The following ARHGAP35 variants were observed in gnomAD, a reference collection of about 807,000 sequenced individuals.
The protein encoded by ARHGAP35 is rho GTPase-activating protein 35.
Under a neutral mutation model 111.1 loss-of-function variants are expected in ARHGAP35, and 15 were observed. The ratio of observed to expected loss-of-function variants is 0.13; its 90% CI spans 0.09 to 0.21. The LOEUF (loss-of-function observed/expected upper bound fraction) is 0.21. ARHGAP35 is among the 10% of genes least tolerant of loss of function. The probability of loss-of-function intolerance (pLI) is 1.00; values close to 1 mark genes in which losing one functional copy is unlikely to be tolerated. For missense variants in ARHGAP35, 1,262 were observed against 1,873.0 expected (o/e 0.67, Z 6.02); for synonymous variants, 643 against 710.3 (o/e 0.91, Z 1.51).
intron 1 of ARHGAP35, among the ~76,000 whole-genome samples, chr19:46,886,506 A>G (rs1014412891): frequency 6.6e-6 from 1 of 152,060 alleles, no homozygotes; most frequent in African/African-American, 2.4e-5. Context: ...AGTATTCCTT[A>G]AAGTCTTCCT....
At position 46,989,437 on chromosome 19, in the gene ARHGAP35, G is replaced by A. The variant is rs2287840; in HGVS notation, c.3905-107G>A. 1.7e-5 allele frequency: 25 copies of A among 1,446,104 alleles called. No individual in the cohort carries two copies. The East Asian group carries it at 2.9e-4, about 17-fold the overall frequency. The allele number at this position is 1,446,104 out of a possible 1,614,324, so 89.6% of individuals were successfully genotyped here. ...TCCAATCCTTGCCAGTCCTGAGGCC[G>A]TCTCTGGCTCCTTGAGGTTTCTCTA... On this transcript the variant is annotated intron_variant, in intron 4 of 6. Coordinates refer to ENST00000672722, the MANE Select transcript of ARHGAP35 (RefSeq NM_004491.5). This position sits in a 1 kb window ranked among gnomAD's most constrained non-coding sequence, Gnocchi z 5.3.
At chr19:46,967,437 A>G (rs969528052) in intron 3 of ARHGAP35, among the ~76,000 whole-genome samples, 8 of 151,966 alleles carry the variant, frequency 5.3e-5, no homozygotes, top group Admixed American at 1.3e-4. Flanking sequence ...TTACCACCTA[A>G]GCGTGTTTTC....
chr19:46,914,070 G>C (rs1296772580), intron 1 of ARHGAP35, among the ~76,000 whole-genome samples: 1 of 152,132 alleles, frequency 6.6e-6, no homozygotes, highest in Admixed American at 6.5e-5. Flanking sequence ...TAAACCAAGT[G>C]TTTGAGATGT....
chr19:46,906,914 C>T (rs1235047925), intron 1 of ARHGAP35, among the ~76,000 whole-genome samples: 1 of 152,038 alleles, frequency 6.6e-6, no homozygotes, highest in Non-Finnish European at 1.5e-5. Flanking sequence ...CATGGTAAAA[C>T]CCCATCTCTA....
chr19:46,953,648 G>T (rs888641831), intron 3 of ARHGAP35, among the ~76,000 whole-genome samples: 3 of 152,130 alleles, frequency 2.0e-5, no homozygotes, highest in Non-Finnish European at 4.4e-5. Flanking sequence ...TCCTTTCTCT[G>T]GATGTATACC....
At chr19:46,905,324 C>T (rs543723755) in intron 1 of ARHGAP35, among the ~76,000 whole-genome samples, 5 of 151,982 alleles carry the variant, frequency 3.3e-5, no homozygotes, top group Non-Finnish European at 7.4e-5. Context: ...TCGAGGCCAG[C>T]CTGGCCAAGA....
At chr19:46,966,955 T>C (rs2056518458) in intron 3 of ARHGAP35, among the ~76,000 whole-genome samples, 1 of 152,146 alleles carries the variant, frequency 6.6e-6, no homozygotes, top group Non-Finnish European at 1.5e-5. Context: ...TACACTGGAT[T>C]CTCTAACAGG....
At chr19:46,933,340 G>A (rs2056284578) in intron 2 of ARHGAP35, among the ~76,000 whole-genome samples, 1 of 151,600 alleles carries the variant, frequency 6.6e-6, no homozygotes. Context: ...GTAGAGATGG[G>A]GTTTCACCAC....
chr19:46,995,844 G>A (rs1048303748), intron 5 of ARHGAP35, among the ~76,000 whole-genome samples: 1 of 152,230 alleles, frequency 6.6e-6, no homozygotes, highest in African/African-American at 2.4e-5. Flanking sequence ...TAAGGAAAGA[G>A]GTGAATGGGG....
At position 46,895,519 on chromosome 19, in the gene ARHGAP35, T is replaced by A. The variant is rs190031862; in HGVS notation, c.-188-22969T>A. On this transcript the variant is annotated intron_variant, in intron 1 of 6. Transcript: ENST00000672722. ...CTATGGTTTGGGAAATTAAGAAAAG[T>A]GCACGTTGGTGTTTTCTCACAATTT... Among the ~76,000 whole-genome samples, 9 of 152,332 alleles carry A rather than the reference T, an allele frequency of 5.9e-5. 1 individual carries two copies. Among genetic ancestry groups the A allele is most frequent in the African/African-American group, 2.2e-4 (9 of 41,582 alleles).
chr19:46,899,691 C>T (rs947913469), intron 1 of ARHGAP35, among the ~76,000 whole-genome samples: 1 of 149,670 alleles, frequency 6.7e-6, no homozygotes, highest in African/African-American at 2.5e-5. Flanking sequence ...CAGAGTGAGA[C>T]CCTGTACAAA....
chr19:46,959,701 A>C (rs943678775), intron 3 of ARHGAP35, among the ~76,000 whole-genome samples: 47 of 149,252 alleles, frequency 3.1e-4, no homozygotes, highest in African/African-American at 1.1e-3. Flanking sequence ...CACCCACCCA[A>C]AAACCTCCTT....
chr19:46,946,741 T>TTG (rs540357972), intron 3 of ARHGAP35: 1,955 of 149,346 alleles, frequency 0.013, 24 homozygotes, highest in African/African-American at 0.033. Context: ...TGTTTTTGTT[T>TTG]TGTGTGTGTG....
chr19:46,954,360 G>T (rs1216367083), intron 3 of ARHGAP35, among the ~76,000 whole-genome samples: 1 of 152,232 alleles, frequency 6.6e-6, no homozygotes, highest in Non-Finnish European at 1.5e-5. Context: ...TGGCTCTCCA[G>T]AGTCCTCCAT....
At chr19:46,991,889 G>A (rs1055646730) in intron 5 of ARHGAP35, among the ~76,000 whole-genome samples, 6 of 152,188 alleles carry the variant, frequency 3.9e-5, no homozygotes, top group Non-Finnish European at 8.8e-5. Flanking sequence ...TAATCCCTGA[G>A]AGCAATTGTG....
chr19:46,895,913 G>A (rs1422138717), intron 1 of ARHGAP35, among the ~76,000 whole-genome samples: 1 of 152,022 alleles, frequency 6.6e-6, no homozygotes, highest in Non-Finnish European at 1.5e-5. Flanking sequence ...GACCAGCCTG[G>A]CCAACATGGT....
chr19:46,919,668 G>C lies in ARHGAP35; in HGVS notation c.993G>C (p.Glu331Asp). ...FLQHIHRLKH[E>D]HIERRRKLYL... ...AGCACATCCACCGCCTCAAGCATGAGCATATCGAGCGTAGGAGAAAGCTGT... is the reference window on the plus strand; with the variant it reads ...AGCACATCCACCGCCTCAAGCATGACCATATCGAGCGTAGGAGAAAGCTGT... The change falls in exon 2 of 7, where the codon GAG becomes GAC. Residue 331 changes from glutamate (E) to aspartate (D), a missense_variant. Glu to Asp is a conservative substitution (Grantham distance 45). Transcript: ENST00000672722. The surrounding 1 kb of genome is among the most constrained non-coding windows in gnomAD (Gnocchi z 6.2). 6.2e-7 allele frequency: 1 copy of C among 1,613,956 alleles called. No homozygotes were observed. The highest frequency in any genetic ancestry group is 8.5e-7 in the Non-Finnish European group (1 of 1,179,880).
chr19:46,957,630 A>G (rs1568479316), intron 3 of ARHGAP35, among the ~76,000 whole-genome samples: 2 of 152,172 alleles, frequency 1.3e-5, no homozygotes, highest in South Asian at 2.1e-4. Context: ...ATAAATAACT[A>G]AACTGTTAAA....
intron 3 of ARHGAP35, among the ~76,000 whole-genome samples, chr19:46,963,192 T>A (rs922965001): frequency 3.3e-5 from 5 of 152,192 alleles, no homozygotes; most frequent in African/African-American, 9.7e-5. Context: ...GTGGGGGTTC[T>A]ATCTGGAAAC....
Sources: gnomAD v4.1 joint callset for allele counts (sites outside exome capture counted in the v4.1 genomes callset) on GRCh38, gnomAD v4.1.1 for gene constraint, Gnocchi (gnomAD v3.1) non-coding constraint, MANE v1.5 for transcripts, NCBI Gene and HGNC (gene_info 2026-07-23, HGNC 2026-07-21) for gene names.